DTNA: variants seen among roughly 807,000 people sequenced by gnomAD.
DTNA encodes dystrobrevin alpha, also known as dystrophin-related protein 3.
In DTNA, 43 loss-of-function variants were observed where a neutral mutation model predicts 100.7. That is an observed-to-expected ratio of 0.43 (90% CI 0.33 to 0.55). The LOEUF is 0.55. Among genes scored for constraint, DTNA ranks in the 20% least tolerant of loss-of-function variants. The pLI is 0.04. For synonymous variants in DTNA, 349 were observed against 347.9 expected (o/e 1.00, Z -0.04); for missense variants, 798 against 953.9 (o/e 0.84, Z 2.15).
At chr18:34,506,231 G>A (rs2144753528) in intron 1 of DTNA, among the ~76,000 whole-genome samples, 1 of 152,302 alleles carries the variant, frequency 6.6e-6, no homozygotes. Context: ...TCTCCATTAA[G>A]CCACCTGTGA....
At chr18:34,578,184 G>A (rs910292596) in intron 1 of DTNA, among the ~76,000 whole-genome samples, 2 of 151,746 alleles carry the variant, frequency 1.3e-5, no homozygotes, top group Non-Finnish European at 2.9e-5. Context: ...GAGTAAGGTG[G>A]TATCGCATTT....
At chr18:34,541,044 G>A (rs555764791) in intron 1 of DTNA, among the ~76,000 whole-genome samples, 1 of 152,158 alleles carries the variant, frequency 6.6e-6, no homozygotes, top group African/African-American at 2.4e-5. Flanking sequence ...TGTAAAAATT[G>A]GGCTATGCAG....
intron 1 of DTNA, among the ~76,000 whole-genome samples, chr18:34,614,697 C>T (rs759986990): frequency 7.9e-5 from 12 of 152,114 alleles, no homozygotes; most frequent in Non-Finnish European, 1.0e-4. Context: ...TGAACTGCTG[C>T]GATCTTTTGA....
intron 16 of DTNA, among the ~76,000 whole-genome samples, chr18:34,861,765 G>A (rs1374744758): frequency 1.3e-5 from 2 of 152,030 alleles, no homozygotes; most frequent in African/African-American, 4.8e-5. Flanking sequence ...AATTGAATTC[G>A]ATGTCATATT....
intron 1 of DTNA, among the ~76,000 whole-genome samples, chr18:34,549,532 A>G (rs904451060): frequency 2.6e-5 from 4 of 152,036 alleles, no homozygotes; most frequent in Non-Finnish European, 4.4e-5. Context: ...CTCTCCTTTT[A>G]ATCTAGTTTA....
At chr18:34,514,451 C>A (rs549165996) in intron 1 of DTNA, among the ~76,000 whole-genome samples, 1 of 151,936 alleles carries the variant, frequency 6.6e-6, no homozygotes, top group Non-Finnish European at 1.5e-5. Flanking sequence ...TAAGAGTCAT[C>A]GATATGACAC....
At chr18:34,810,084 C>A (rs562595733) in intron 5 of DTNA, among the ~76,000 whole-genome samples, 1 of 152,286 alleles carries the variant, frequency 6.6e-6, no homozygotes, top group African/African-American at 2.4e-5. Flanking sequence ...CTGGATAGTT[C>A]TAAGGATCTT....
At chr18:34,496,256 G>C (rs901006271) in intron 1 of DTNA, among the ~76,000 whole-genome samples, 17 of 120,382 alleles carry the variant, frequency 1.4e-4, no homozygotes, top group African/African-American at 5.8e-4. Flanking sequence ...CAGAATTATG[G>C]CTACATCTTT....
At chr18:34,737,267 A>C (rs942691247) in intron 1 of DTNA, among the ~76,000 whole-genome samples, 1 of 152,208 alleles carries the variant, frequency 6.6e-6, no homozygotes, top group Non-Finnish European at 1.5e-5. Flanking sequence ...TCTAAGTTCA[A>C]ATCCACAAAC....
intron 1 of DTNA, among the ~76,000 whole-genome samples, chr18:34,556,715 T>C (rs1200889392): frequency 1.6e-5 from 2 of 125,408 alleles, no homozygotes; most frequent in African/African-American, 3.0e-5. Flanking sequence ...CTCTTCTGGC[T>C]TGTAGGGTTT....
chr18:34,875,582 G>A (rs937719539), intron 18 of DTNA, among the ~76,000 whole-genome samples, 184 bp downstream of exon 18: 7 of 152,118 alleles, frequency 4.6e-5, no homozygotes, highest in South Asian at 2.1e-4. Context: ...CTCACTTCAC[G>A]ATTTTACCTT....
chr18:34,812,135 G>A (rs1402775558), intron 6 of DTNA, 22 bp downstream of exon 6: 1 of 1,613,694 alleles, frequency 6.2e-7, no homozygotes, highest in Non-Finnish European at 8.5e-7. Context: ...ATATGTTTAA[G>A]GAAGTATCTC....
At chr18:34,760,346 C>T (rs1205374479) in intron 2 of DTNA, among the ~76,000 whole-genome samples, 1 of 152,132 alleles carries the variant, frequency 6.6e-6, no homozygotes, top group African/African-American at 2.4e-5. Flanking sequence ...ACACTGAAGT[C>T]AGAGAATTTA....
At chr18:34,709,525 C>A (rs866862442), upstream of DTNA, 1 of 152,106 alleles carries the variant, frequency 6.6e-6, no homozygotes, top group African/African-American at 2.4e-5. Context: ...AAGGTGATTC[C>A]TTAAATCCTA....
chr18:34,654,509 C>T (rs901118397), intron 1 of DTNA, among the ~76,000 whole-genome samples: 1 of 152,102 alleles, frequency 6.6e-6, no homozygotes, highest in Non-Finnish European at 1.5e-5. Flanking sequence ...CTGTACTTGC[C>T]AGTGTATACT....
intron 21 of DTNA, among the ~76,000 whole-genome samples, chr18:34,883,125 C>G (rs932776475): frequency 6.6e-6 from 1 of 152,174 alleles, no homozygotes; most frequent in Non-Finnish European, 1.5e-5. Context: ...GGAGGTCGTT[C>G]TACTACCTTG....
chr18:34,880,084 C>T (rs1338543828), intron 20 of DTNA, among the ~76,000 whole-genome samples: 1 of 152,128 alleles, frequency 6.6e-6, no homozygotes, highest in Non-Finnish European at 1.5e-5. Context: ...ATTGTATTTG[C>T]ACTTAGAGGA....
chr18:34,759,188 T>C (rs1428450265), intron 2 of DTNA, among the ~76,000 whole-genome samples: 1 of 152,200 alleles, frequency 6.6e-6, no homozygotes, highest in African/African-American at 2.4e-5. Context: ...AAAAACCCTC[T>C]AGTTAAATAT....
intron 17 of DTNA, among the ~76,000 whole-genome samples, chr18:34,864,837 T>G (rs1320856494): frequency 1.3e-5 from 2 of 152,232 alleles, no homozygotes; most frequent in African/African-American, 4.8e-5. Flanking sequence ...ATTACTCTTC[T>G]GTAAGTAAAA....
Sources: gnomAD v4.1 joint callset for allele counts (sites outside exome capture counted in the v4.1 genomes callset) on GRCh38, gnomAD v4.1.1 for gene constraint, MANE v1.5 for transcripts, NCBI Gene and HGNC (gene_info 2026-07-23, HGNC 2026-07-21) for gene names.